Variants in EXD1 observed in about 807,000 individuals in gnomAD.
EXD1 encodes the protein piRNA biogenesis protein EXD1.
A neutral mutation model predicts 49.1 loss-of-function variants in EXD1; 63 were observed. That is an observed-to-expected ratio of 1.28 (90% confidence interval 1.05 to 1.58). The LOEUF (loss-of-function observed/expected upper bound fraction) is 1.58. EXD1 is among the 40% of genes most tolerant of loss of function. EXD1 has a pLI of 0.00. For synonymous variants in EXD1, 234 were observed against 239.2 expected (o/e 0.98, Z 0.20); for missense variants, 748 against 666.0 (o/e 1.12, Z -1.36).
At position 41,216,742 on chromosome 15, in the gene EXD1, A is replaced by T. The variant is rs1240169820; in HGVS notation, c.314T>A (p.Val105Glu). The T allele has an allele frequency of 6.2e-7, 1 of 1,613,792 alleles. No individual in the cohort carries two copies. The highest frequency in any genetic ancestry group is 1.3e-5 in the African/African-American group (1 of 74,932). ...AGGGGCAGGAGAAGCAGGCTCACAT[A>T]CATTTAGGTCTTCAACTTTCATTTT... ...MEKMKVEDLN[V>E]CEPASPAPEA... is the part of the protein sequence containing the mutation. The change falls in exon 5 of 12, where the codon GTA (valine) becomes GAA (glutamate). Residue 105 changes from valine to glutamate, a missense_variant. Val to Glu is a moderately radical substitution (Grantham distance 121, BLOSUM62 -2). Coordinates refer to ENST00000458580, the MANE Select transcript of EXD1 (RefSeq NM_001286441.2).
intron 7 of EXD1, among the ~76,000 whole-genome samples, chr15:41,202,760 C>A (rs1175099962): frequency 6.6e-6 from 1 of 151,932 alleles, no homozygotes; most frequent in Non-Finnish European, 1.5e-5. Context: ...AGCCACCACA[C>A]CACAAAAATT....
intron 2 of EXD1, among the ~76,000 whole-genome samples, chr15:41,224,833 C>T (rs1333449289): frequency 2.6e-5 from 4 of 152,032 alleles, no homozygotes; most frequent in Non-Finnish European, 5.9e-5. Flanking sequence ...TGAGGTGTTA[C>T]ATAAGTGTAG....
intron 9 of EXD1, 75 bp downstream of exon 9, chr15:41,195,700 C>A (rs2046598148): frequency 2.7e-6 from 3 of 1,093,870 alleles, no homozygotes; most frequent in Non-Finnish European, 2.5e-6. Context: ...TTTCACTCAT[C>A]AGATGACCAG....
chr15:41,192,609 T>A (rs1275371866), intron 9 of EXD1, among the ~76,000 whole-genome samples: 19 of 96,554 alleles, frequency 2.0e-4, no homozygotes, highest in South Asian at 9.4e-4. Context: ...TTTTTTTTTT[T>A]TTTTTTTTTT....
intron 2 of EXD1, among the ~76,000 whole-genome samples, chr15:41,220,861 T>C (rs17729697): frequency 0.043 from 6,602 of 152,252 alleles, 202 homozygotes; most frequent in Middle Eastern, 0.085. Context: ...TCCAAAAAAA[T>C]GTTTTGCAAC....
intron 2 of EXD1, among the ~76,000 whole-genome samples, chr15:41,224,239 C>G (rs2047130111): frequency 6.6e-6 from 1 of 152,120 alleles, no homozygotes; most frequent in Admixed American, 6.6e-5. Flanking sequence ...CGCCCAGCCC[C>G]TAGACTAAGT....
chr15:41,209,689 C>T, intron 6 of EXD1, 102 bp from the exon 7 acceptor site: 1 of 971,872 alleles, frequency 1.0e-6, no homozygotes, highest in South Asian at 1.5e-5. Flanking sequence ...AAACAAAGTG[C>T]ATCATCTTTG....
intron 1 of EXD1, among the ~76,000 whole-genome samples, chr15:41,229,445 C>T (rs997155571): frequency 1.3e-5 from 2 of 151,912 alleles, no homozygotes; most frequent in Admixed American, 6.6e-5. Context: ...GTGATCAGGC[C>T]ATTGCACTCC....
At chr15:41,222,768 C>T (rs1417556569) in intron 2 of EXD1, among the ~76,000 whole-genome samples, 1 of 139,074 alleles carries the variant, frequency 7.2e-6, no homozygotes, top group African/African-American at 3.1e-5. Context: ...GAAACCCTGT[C>T]TCTAATAAAA....
At position 41,199,705 on chromosome 15, in the gene EXD1, A is replaced by C. The variant is rs893386411; in HGVS notation, c.535-3668T>G. Among the ~76,000 whole-genome samples, 7 of 120,152 alleles carry C rather than the reference A, an allele frequency of 5.8e-5. No individual in the cohort carries two copies. The East Asian group carries it at 7.2e-4, about 12-fold the overall frequency. 78.8% of individuals were successfully genotyped at this position (120,152 alleles called of 152,430 possible). ...CATATATATGAGATATATTACATAT[A>C]TCATATATATGATATATTATATATG... On this transcript the variant is annotated intron_variant, in intron 7 of 11. Transcript: ENST00000458580.
intron 2 of EXD1, among the ~76,000 whole-genome samples, chr15:41,226,103 T>A (rs1449447962): frequency 6.6e-6 from 1 of 151,028 alleles, no homozygotes; most frequent in African/African-American, 2.4e-5. Context: ...ATACAAAAAA[T>A]TTGCTGGGAG....
At chr15:41,186,620 A>T (rs1175641337) in intron 11 of EXD1, among the ~76,000 whole-genome samples, 2 of 152,114 alleles carry the variant, frequency 1.3e-5, no homozygotes, top group East Asian at 3.8e-4. Context: ...TATTATAAGT[A>T]ATCTAAGAAT....
At chr15:41,187,159 C>T (rs1042314977) in intron 11 of EXD1, among the ~76,000 whole-genome samples, 3 of 151,486 alleles carry the variant, frequency 2.0e-5, no homozygotes, top group East Asian at 1.9e-4. Flanking sequence ...GCTGGGATTA[C>T]AGGTGTGAGC....
intron 6 of EXD1, 48 bp from the exon 7 acceptor site, chr15:41,209,635 G>A (rs2046891610): frequency 6.6e-7 from 1 of 1,515,810 alleles, no homozygotes; most frequent in Non-Finnish European, 9.1e-7. Flanking sequence ...AATAAATGTT[G>A]GCATGATAAC....
rs2046355187 is a variant in EXD1 at position 41,183,606 on chromosome 15, A to AATG, written c.*322_*324dup. ...GTCAAGAAGCAAAACAAAATTTGAAAATGATGGAGTCTTCCTGATACTAAG... is the reference window on the plus strand; with the variant it reads ...GTCAAGAAGCAAAACAAAATTTGAAAATGATGATGGAGTCTTCCTGATACTAAG... On this transcript the variant is annotated 3_prime_UTR_variant, in exon 12 of 12. Coordinates refer to ENST00000458580, the MANE Select transcript of EXD1 (RefSeq NM_001286441.2). 4.9e-6 allele frequency: 1 copy of AATG among 203,162 alleles called. No individual in the cohort carries two copies. The highest frequency in any genetic ancestry group is 2.3e-5 in the African/African-American group (1 of 43,454). 12.6% of individuals were successfully genotyped at this position (203,162 alleles called of 1,614,324 possible).
intron 11 of EXD1, among the ~76,000 whole-genome samples, chr15:41,187,194 A>C (rs965700977): frequency 4.0e-5 from 6 of 150,620 alleles, no homozygotes; most frequent in Non-Finnish European, 7.4e-5. Context: ...TGTCCAAGCA[A>C]TTCTCCTGCC....
intron 9 of EXD1, among the ~76,000 whole-genome samples, chr15:41,192,537 C>T (rs527440027): frequency 1.3e-5 from 2 of 149,182 alleles, no homozygotes; most frequent in South Asian, 4.2e-4. Flanking sequence ...CCTCGTGATC[C>T]GCCCGCCTTG....
intron 4 of EXD1, 55 bp from the exon 5 acceptor site, chr15:41,216,850 A>G (rs896083992): frequency 6.2e-7 from 1 of 1,601,342 alleles, no homozygotes; most frequent in Non-Finnish European, 8.5e-7. Context: ...GTTGACACCA[A>G]AAACAGATTT....
intron 7 of EXD1, among the ~76,000 whole-genome samples, chr15:41,208,369 G>GAAAAAA (rs10586810): frequency 1.6e-3 from 100 of 62,376 alleles, no homozygotes; most frequent in Non-Finnish European, 2.7e-3. Context: ...ACTCATCTCT[G>GAAAAAA]AAAAAAAAAA....
Sources: gnomAD v4.1 joint callset for allele counts (sites outside exome capture counted in the v4.1 genomes callset) on GRCh38, gnomAD v4.1.1 for gene constraint, MANE v1.5 for transcripts, NCBI Gene and HGNC (gene_info 2026-07-23, HGNC 2026-07-21) for gene names.